The following SEC14L5 variants were observed in gnomAD, a reference collection of about 807,000 sequenced individuals.
The protein encoded by SEC14L5 is SEC14-like protein 5.
A neutral mutation model predicts 84.6 loss-of-function variants in SEC14L5; 96 were observed. That is an observed-to-expected ratio of 1.13 (90% confidence interval 0.96 to 1.34). The LOEUF (loss-of-function observed/expected upper bound fraction) is 1.34, where lower values mean the gene tolerates loss of function less well. Ranked by LOEUF, SEC14L5 falls within the 40% of genes most tolerant of loss-of-function variation. The pLI is 0.00. For missense variants in SEC14L5, 1,224 were observed against 942.5 expected, an observed-to-expected ratio of 1.30 and a Z score of -3.91; for synonymous variants, 546 against 383.4, an observed-to-expected ratio of 1.42 and a Z score of -4.95.
chr16:5,005,783 G>A, intron 11 of SEC14L5, 131 bp from the exon 12 acceptor site: 1 of 865,148 alleles, frequency 1.2e-6, no homozygotes, highest in Non-Finnish European at 1.7e-6. Context: ...AGGATGGCGT[G>A]AACCCGGGAG....
chr16:4,969,614 C>G (rs1297387775), intron 2 of SEC14L5, among the ~76,000 whole-genome samples: 2 of 150,996 alleles, frequency 1.3e-5, no homozygotes, highest in Non-Finnish European at 2.9e-5. Flanking sequence ...GAACTCCTGA[C>G]CTCAGGTGAT....
At position 5,008,433 on chromosome 16, in the gene SEC14L5, A is replaced by T; in HGVS notation, c.1585A>T (p.Ile529Phe). 1 of 1,612,552 alleles carries T rather than the reference A, an allele frequency of 6.2e-7. No homozygotes were observed. The highest frequency in any genetic ancestry group is 8.5e-7 in the Non-Finnish European group (1 of 1,179,352). The change falls in exon 14 of 16, where the codon ATC (isoleucine) becomes TTC (phenylalanine). Residue 529 changes from isoleucine to phenylalanine, a missense_variant. Ile to Phe is a conservative substitution (Grantham distance 21, BLOSUM62 0). Transcript: ENST00000251170. The part of the protein sequence containing the change: ...RGAPHEVAVE[I>F]LEGESVITWD... ...TGTCTCCACACAGGTGGCCGTGGAGATCCTGGAAGGAGAGTCGGTCATCAC... is the reference window on the plus strand; with the variant it reads ...TGTCTCCACACAGGTGGCCGTGGAGTTCCTGGAAGGAGAGTCGGTCATCAC...
chr16:4,967,561 CGTTTTT>C (rs1178733456), intron 2 of SEC14L5, among the ~76,000 whole-genome samples: 28,573 of 85,974 alleles, frequency 0.33, 4,213 homozygotes, highest in Admixed American at 0.48. Context: ...TTCTTTCTTT[CGTTTTT>C]TTTTTTTTTT....
intron 12 of SEC14L5, 125 bp downstream of exon 12, chr16:5,006,173 C>G (rs1357244885): frequency 4.2e-6 from 4 of 947,330 alleles, no homozygotes; most frequent in African/African-American, 1.6e-5. Flanking sequence ...TGCACTCTGC[C>G]TAGGGCAGGT....
chr16:5,003,687 T>C (rs894960540), intron 11 of SEC14L5, 114 bp downstream of exon 11: 5 of 720,302 alleles, frequency 6.9e-6, no homozygotes, highest in South Asian at 6.1e-5. Context: ...AGTAACTTTT[T>C]GGAGATGAAA....
At chr16:4,971,096 A>G (rs1955272614) in intron 2 of SEC14L5, among the ~76,000 whole-genome samples, 1 of 148,644 alleles carries the variant, frequency 6.7e-6, no homozygotes, top group African/African-American at 2.5e-5. Context: ...AGAGCCAAAA[A>G]AAAAAAAAAA....
chr16:4,992,070 G>A, intron 6 of SEC14L5, 40 bp downstream of exon 6: 1 of 1,368,078 alleles, frequency 7.3e-7, no homozygotes, highest in Non-Finnish European at 9.7e-7. Context: ...CTAGGAGGCT[G>A]CTGCAGGTCC....
At chr16:4,981,218 G>T (rs1179621440) in intron 2 of SEC14L5, among the ~76,000 whole-genome samples, 2 of 150,398 alleles carry the variant, frequency 1.3e-5, no homozygotes, top group Non-Finnish European at 2.9e-5. Context: ...CCTAGTAGCT[G>T]GGATTACAGG....
intron 2 of SEC14L5, among the ~76,000 whole-genome samples, chr16:4,968,806 A>G (rs1955237129): frequency 6.6e-6 from 1 of 152,264 alleles, no homozygotes; most frequent in Non-Finnish European, 1.5e-5. Context: ...TTCCTAAGCA[A>G]AAGGCTTTTC....
chr16:4,964,875 TG>T (rs1206106146), intron 2 of SEC14L5, among the ~76,000 whole-genome samples: 4 of 151,816 alleles, frequency 2.6e-5, no homozygotes, highest in African/African-American at 9.7e-5. Context: ...GGATTACAGA[TG>T]GGCACCACCA....
chr16:5,017,816 T>G lies in SEC14L5; in HGVS notation c.*2846T>G, dbSNP rs539234182. 6.6e-6 allele frequency: 1 copy of G among 152,282 alleles called. No homozygotes were observed. Among genetic ancestry groups the G allele is most frequent in the South Asian group, 2.1e-4 (1 of 4,810 alleles). 9.4% of individuals were successfully genotyped at this position (152,282 alleles called of 1,614,324 possible). On this transcript the variant is annotated 3_prime_UTR_variant, in exon 16 of 16. Coordinates refer to ENST00000251170, the MANE Select transcript of SEC14L5 (RefSeq NM_014692.2). ...ATTATCAAGGTCATTCTTCTTGCCTTCGGGAGGACTGGAATTAAAAATAAT... is the reference window on the plus strand; with the variant it reads ...ATTATCAAGGTCATTCTTCTTGCCTGCGGGAGGACTGGAATTAAAAATAAT...
At chr16:4,968,778 G>C (rs998034739) in intron 2 of SEC14L5, among the ~76,000 whole-genome samples, 2 of 152,266 alleles carry the variant, frequency 1.3e-5, no homozygotes, top group African/African-American at 4.8e-5. Flanking sequence ...AAATAAGGAA[G>C]ATGGCTTGGA....
chr16:4,969,407 C>G (rs1178823929), intron 2 of SEC14L5, among the ~76,000 whole-genome samples: 1 of 150,922 alleles, frequency 6.6e-6, no homozygotes, highest in Non-Finnish European at 1.5e-5. Flanking sequence ...TTTTTTGAGA[C>G]AGAGTCTTCC....
At chr16:4,983,010 A>G (rs574375465) in intron 2 of SEC14L5, among the ~76,000 whole-genome samples, 9 of 152,120 alleles carry the variant, frequency 5.9e-5, no homozygotes, top group African/African-American at 2.2e-4. Context: ...TTATATATTT[A>G]TTTTTATTTT....
Position 5,003,564 on chromosome 16 carries a change from C to T in SEC14L5, c.1293C>T (p.Leu431=), listed in dbSNP as rs758544483. 4 of 1,330,198 alleles carry T rather than the reference C, an allele frequency of 3.0e-6. No homozygotes were observed. The highest frequency in any genetic ancestry group is 3.0e-6 in the Non-Finnish European group (3 of 1,012,940). The allele number at this position is 1,330,198 out of a possible 1,614,324, so 82.4% of individuals were successfully genotyped here. The change falls in exon 11 of 16, where the codon CTC becomes CTT. Residue 431 remains leucine, a synonymous_variant. Coordinates refer to ENST00000251170, the MANE Select transcript of SEC14L5 (RefSeq NM_014692.2). ...IVRAPRVFPV[L]WTLISPFINE... ...GAGCCCCCCGAGTCTTCCCCGTGCT[C>T]TGGACACTGGTAAGAGCTGGAGCCT...
In SEC14L5 at chr16:5,008,669, T is replaced by C. The variant is rs376282034; in HGVS notation, c.1800+21T>C. On this transcript the variant is annotated intron_variant, in intron 14 of 15. Coordinates refer to ENST00000251170, the MANE Select transcript of SEC14L5 (RefSeq NM_014692.2). The stretch of plus-strand genomic sequence containing the variant: ...TCCAGGTTTGCATTTTCTGGACCAC[T>C]CATTCGCTCACCAAGCAGCACTGAG... 3.5e-5 allele frequency: 55 copies of C among 1,591,710 alleles called. No individual in the cohort carries two copies. The African/African-American group carries it at 6.3e-4, about 18-fold the overall frequency.
At chr16:4,984,621 A>G (rs1229312105) in intron 2 of SEC14L5, among the ~76,000 whole-genome samples, 1 of 152,216 alleles carries the variant, frequency 6.6e-6, no homozygotes, top group Non-Finnish European at 1.5e-5. Flanking sequence ...ACTGTTTTCC[A>G]AAGGGGTTGT....
chr16:4,962,664 G>T (rs1412363575), intron 2 of SEC14L5, among the ~76,000 whole-genome samples: 2 of 149,078 alleles, frequency 1.3e-5, no homozygotes, highest in Admixed American at 6.8e-5. Flanking sequence ...CTCCAGCCTG[G>T]GGGAAGAGTG....
At chr16:4,994,638 C>T (rs1482147778) in intron 6 of SEC14L5, among the ~76,000 whole-genome samples, 1 of 152,136 alleles carries the variant, frequency 6.6e-6, no homozygotes, top group African/African-American at 2.4e-5. Context: ...AGTATTTATT[C>T]TGCACCGACT....
Sources: gnomAD v4.1 joint callset for allele counts (sites outside exome capture counted in the v4.1 genomes callset) on GRCh38, gnomAD v4.1.1 for gene constraint, MANE v1.5 for transcripts, NCBI Gene and HGNC (gene_info 2026-07-23, HGNC 2026-07-21) for gene names.